CFAP92: variants seen among roughly 807,000 people sequenced by gnomAD.
CFAP92 encodes the protein uncharacterized protein CFAP92.
In CFAP92, 86 loss-of-function variants were observed where a neutral mutation model predicts 106.3. The observed-to-expected ratio is 0.81, with a 90% CI of 0.68 to 0.97. CFAP92 has a LOEUF of 0.97. Ranked by LOEUF, CFAP92 falls within the 50% of genes least tolerant of loss-of-function variation. CFAP92 has a pLI of 0.00. For missense variants in CFAP92, 1,204 were observed against 1,283.8 expected, an observed-to-expected ratio of 0.94 and a Z score of 0.95; for synonymous variants, 477 against 506.4, an observed-to-expected ratio of 0.94 and a Z score of 0.78.
chr3:128,930,738 A>G (rs577701041), intron 12 of CFAP92, among the ~76,000 whole-genome samples: 21 of 152,206 alleles, frequency 1.4e-4, no homozygotes, highest in African/African-American at 5.1e-4. Flanking sequence ...GCATCAGAGC[A>G]AGACTGTCTC....
intron 9 of CFAP92, among the ~76,000 whole-genome samples, 166 bp downstream of exon 9, chr3:128,965,345 C>G (rs192683554): frequency 2.7e-4 from 41 of 152,168 alleles, no homozygotes; most frequent in African/African-American, 9.9e-4. Flanking sequence ...AAATAAACAG[C>G]CATGTTGCTC....
intron 12 of CFAP92, among the ~76,000 whole-genome samples, chr3:128,925,814 A>C (rs923951558): frequency 6.6e-6 from 1 of 152,238 alleles, no homozygotes; most frequent in Non-Finnish European, 1.5e-5. Flanking sequence ...AGCCAGAGAC[A>C]ACCAAATTAT....
chr3:129,010,061 G>T, the CFAP92 span, among the ~76,000 whole-genome samples: 4 of 152,242 alleles, frequency 2.6e-5, no homozygotes, highest in Admixed American at 1.3e-4. This position sits in a 1 kb window ranked among gnomAD's most constrained non-coding sequence, Gnocchi z 4.3. Flanking sequence ...GTGGACACAC[G>T]AATGGACCAG....
At position 128,915,111 on chromosome 3, in the gene CFAP92, CCTGT is replaced by C. The variant is rs2107676904; in HGVS notation, c.3280+4_3280+7del. 6.5e-7 allele frequency: 1 copy of C among 1,535,110 alleles called. No homozygotes were observed. Among genetic ancestry groups the C allele is most frequent in the African/African-American group, 1.4e-5 (1 of 73,144 alleles). On this transcript the variant is annotated splice_donor_5th_base_variant and intron_variant, in intron 15 of 15. Transcript: ENST00000645291. ...GGAGGCCCAGCTTGGCAAACCCTTG[CCTGT>C]TACCTGTTACAGGCTTTGGTGCGGG...
rs780995742 is a variant in CFAP92, at chr3:128,978,201, AG to A, written c.668-17del. On this transcript the variant is annotated splice_polypyrimidine_tract_variant and intron_variant, in intron 4 of 15. Transcript: ENST00000645291. The stretch of plus-strand genomic sequence containing the variant: ...TGTCTCACTTCTAGAATGCAGGAGA[AG>A]AAAGGATCATTGACTCAATCAATCC... The A allele has an allele frequency of 3.1e-6, 5 of 1,608,990 alleles. No individual in the cohort carries two copies. The East Asian group carries it at 8.9e-5, about 29-fold the overall frequency.
At chr3:128,950,506 G>T (rs1940676124) in intron 9 of CFAP92, among the ~76,000 whole-genome samples, 1 of 152,236 alleles carries the variant, frequency 6.6e-6, no homozygotes, top group African/African-American at 2.4e-5. Flanking sequence ...AAGCAAGCTG[G>T]AAGTGCTGTG....
At chr3:128,984,748 A>G (rs190602745) in intron 4 of CFAP92, among the ~76,000 whole-genome samples, 45 of 152,308 alleles carry the variant, frequency 3.0e-4, no homozygotes, top group Admixed American at 2.2e-3. Context: ...TGACTAGTAC[A>G]CTGAGTCAGA....
chr3:128,972,204 A>C (rs536145553), intron 7 of CFAP92, among the ~76,000 whole-genome samples: 1 of 152,190 alleles, frequency 6.6e-6, no homozygotes, highest in African/African-American at 2.4e-5. Context: ...CATCAGAAGA[A>C]TATCTAGGAG....
At chr3:129,005,865 T>C (rs1219993039), upstream of CFAP92, among the ~76,000 whole-genome samples, 3 of 152,256 alleles carry the variant, frequency 2.0e-5, no homozygotes, top group Non-Finnish European at 4.4e-5. Context: ...GCAGGGCTGG[T>C]TGGCTTGAGG....
intron 9 of CFAP92, among the ~76,000 whole-genome samples, chr3:128,947,768 T>C (rs1940373262): frequency 6.6e-6 from 1 of 152,084 alleles, no homozygotes; most frequent in Non-Finnish European, 1.5e-5. Flanking sequence ...GCCAGGAGGT[T>C]TGAGGTTTCA....
chr3:128,930,545 G>A (rs1938243793), intron 12 of CFAP92, among the ~76,000 whole-genome samples: 1 of 151,862 alleles, frequency 6.6e-6, no homozygotes, highest in African/African-American at 2.4e-5. Context: ...GAGGCCAGGA[G>A]TTCGAGACCA....
At chr3:128,925,514 GA>G (rs1266493719) in intron 12 of CFAP92, among the ~76,000 whole-genome samples, 2 of 151,650 alleles carry the variant, frequency 1.3e-5, no homozygotes, top group Non-Finnish European at 2.9e-5. Context: ...ATGAAAAGGA[GA>G]AAAAAAGACT....
At chr3:129,001,630 T>A in intron 1 of CFAP92, 4 of 1,358,116 alleles carry the variant, frequency 2.9e-6, no homozygotes, top group Non-Finnish European at 3.8e-6. Flanking sequence ...GGCGCAGCGA[T>A]GGAGCCGGTC....
At chr3:128,975,148 A>G (rs1036379902) in intron 7 of CFAP92, among the ~76,000 whole-genome samples, 10 of 152,156 alleles carry the variant, frequency 6.6e-5, no homozygotes, top group Non-Finnish European at 1.3e-4. Flanking sequence ...TAAAATAAAA[A>G]GAGTAAATAC....
intron 15 of CFAP92, among the ~76,000 whole-genome samples, chr3:128,912,106 T>C (rs934980175): frequency 6.6e-6 from 1 of 152,218 alleles, no homozygotes; most frequent in African/African-American, 2.4e-5. Flanking sequence ...TGGCACTTGC[T>C]GAGAGTGGCA....
intron 9 of CFAP92, among the ~76,000 whole-genome samples, chr3:128,948,190 TTA>T (rs949982043): frequency 1.3e-5 from 2 of 151,206 alleles, no homozygotes; most frequent in African/African-American, 2.4e-5. Context: ...CACACATTTA[TTA>T]TATATATATA....
At chr3:128,946,777 A>C (rs1355415043) in intron 9 of CFAP92, among the ~76,000 whole-genome samples, 1 of 152,184 alleles carries the variant, frequency 6.6e-6, no homozygotes, top group Non-Finnish European at 1.5e-5. Flanking sequence ...TGAACACGAG[A>C]TCATGGTAAA....
In CFAP92 at chr3:128,942,916, C is replaced by CTT. The variant is rs36073693; in HGVS notation, c.2258+2153_2258+2154dup. ...AAGCTGGTCTTGAACAAAACTCAAC[C>CTT]TTTTTTTTTTTTTTTTTTTTTTGAG... On this transcript the variant is annotated intron_variant, in intron 10 of 15. Transcript: ENST00000645291. 7.7e-3 allele frequency among the ~76,000 whole-genome samples: 655 copies of CTT among 84,958 alleles called. 15 individuals carry two copies. The highest frequency in any genetic ancestry group is 0.011 in the East Asian group (25 of 2,318). The allele number at this position is 84,958 out of a possible 152,430, so 55.7% of individuals were successfully genotyped here.
At chr3:128,975,099 G>A (rs1943061780) in intron 7 of CFAP92, among the ~76,000 whole-genome samples, 1 of 151,976 alleles carries the variant, frequency 6.6e-6, no homozygotes, top group Admixed American at 6.6e-5. Context: ...CAGCCTGGGT[G>A]ACAGAGTGAG....
Sources: gnomAD v4.1 joint callset for allele counts (sites outside exome capture counted in the v4.1 genomes callset) on GRCh38, gnomAD v4.1.1 for gene constraint, Gnocchi (gnomAD v3.1) non-coding constraint, MANE v1.5 for transcripts, NCBI Gene and HGNC (gene_info 2026-07-23, HGNC 2026-07-21) for gene names.